HLX: variants seen among roughly 807,000 people sequenced by gnomAD.
The protein encoded by HLX is H2.0 like homeobox.
In HLX, 6 loss-of-function variants were observed where a neutral mutation model predicts 27.7. That is an observed-to-expected ratio of 0.22 (90% CI 0.12 to 0.43). The LOEUF (loss-of-function observed/expected upper bound fraction) is 0.43, where lower values mean the gene tolerates loss of function less well. Ranked by LOEUF, HLX falls within the 20% of genes least tolerant of loss-of-function variation. The probability of loss-of-function intolerance (pLI) is 1.00; values close to 1 mark genes in which losing one functional copy is unlikely to be tolerated. For missense variants in HLX, 666 were observed against 655.2 expected, an observed-to-expected ratio of 1.02 and a Z score of -0.18; for synonymous variants, 328 against 293.8, an observed-to-expected ratio of 1.12 and a Z score of -1.19.
rs773985687 is a variant in HLX, at chr1:220,880,129, C to A, written c.272C>A (p.Ser91Tyr). Residue 91 changes from serine (S) to tyrosine (Y), a missense_variant, in exon 1 of 4, where the codon TCC becomes TAC. Ser to Tyr is a moderately radical substitution (Grantham distance 144, BLOSUM62 -2). Coordinates refer to ENST00000366903, the MANE Select transcript of HLX (RefSeq NM_021958.4). ...GCCTCTTTCCAAGCGGCGGCCAGAT[C>A]CCCGCTTCGACCCACCCCAGTGGTG... ...PHASFQAAAR[S>Y]PLRPTPVVAP... 1 of 1,605,732 alleles carries A rather than the reference C, an allele frequency of 6.2e-7. No individual in the cohort carries two copies. The highest frequency in any genetic ancestry group is 1.1e-5 in the South Asian group (1 of 90,854).
Position 220,881,388 on chromosome 1 carries a change from C to T in HLX, c.772+15C>T, listed in dbSNP as rs373634939. On this transcript the variant is annotated intron_variant, in intron 2 of 3. Transcript: ENST00000366903. ...CACGTTTCCAGGTACGGAAAAACTC[C>T]AGAGTACTGCCTAACGGGCGAGCCG... 8 of 1,605,854 alleles carry T rather than the reference C, an allele frequency of 5.0e-6. No homozygotes were observed. In the South Asian group the frequency reaches 6.6e-5, roughly 13 times the overall value.
At position 220,881,295 on chromosome 1, in the gene HLX, G is replaced by A. The variant is rs771762362; in HGVS notation, c.694G>A (p.Glu232Lys). The change falls in exon 2 of 4, where the codon GAG becomes AAG. Residue 232 changes from glutamate to lysine, a missense_variant. By Grantham distance (56) the Glu-to-Lys change is moderately conservative. Transcript: ENST00000366903. ...CTTCGCATCTCTAGATCCCATTAAC[G>A]AGGCTTCTGCAATCCTGAGTCCCTT... ...QFFASLDPIN[E>K]ASAILSPLNS... 9.3e-6 allele frequency: 15 copies of A among 1,614,048 alleles called. No individual in the cohort carries two copies. The East Asian group carries it at 2.0e-4, about 22-fold the overall frequency.
At chr1:220,882,425 C>T in intron 3 of HLX, 77 bp downstream of exon 3, 2 of 1,390,286 alleles carry the variant, frequency 1.4e-6, no homozygotes, top group South Asian at 2.4e-5. Context: ...AGGTCCCCTC[C>T]ATCCCGGCCG....
At chr1:220,880,492 C>A in intron 1 of HLX, 43 bp downstream of exon 1, 1 of 1,609,536 alleles carries the variant, frequency 6.2e-7, no homozygotes, top group Non-Finnish European at 8.5e-7. Flanking sequence ...ACCACTGACC[C>A]ACTCCCCGGA....
In HLX at chr1:220,879,813, C is replaced by G; in HGVS notation, c.-45C>G. The G allele has an allele frequency of 2.0e-6, 3 of 1,529,492 alleles. No homozygotes were observed. Among genetic ancestry groups the G allele is most frequent in the Non-Finnish European group, 2.6e-6 (3 of 1,145,020 alleles). 94.7% of individuals were successfully genotyped at this position (1,529,492 alleles called of 1,614,324 possible). On this transcript the variant is annotated 5_prime_UTR_variant, in exon 1 of 4. Transcript: ENST00000366903. Reference sequence around the variant, plus strand: ...CGCCCCTCCCCGCGCGCCCACCCACCCAGTCCGGCTGGACTGCGGCAGCCG... The same window carrying G: ...CGCCCCTCCCCGCGCGCCCACCCACGCAGTCCGGCTGGACTGCGGCAGCCG...
chr1:220,883,825 G>C (rs946848164), intron 3 of HLX: 3 of 281,928 alleles, frequency 1.1e-5, no homozygotes, highest in Non-Finnish European at 2.0e-5. Context: ...ACTTTAATCA[G>C]ATTCTCATGG....
rs1439276682 is a variant in HLX at position 220,883,994 on chromosome 1, A to G, written c.958-201A>G. 4.9e-6 allele frequency: 3 copies of G among 614,226 alleles called. No individual in the cohort carries two copies. In the Admixed American group the frequency reaches 8.6e-5, roughly 18 times the overall value. The allele number at this position is 614,226 out of a possible 1,614,324, so 38.0% of individuals were successfully genotyped here. On this transcript the variant is annotated intron_variant, in intron 3 of 3. Transcript: ENST00000366903. ...ACGGTCTTAGTGGGTTCCCTAGGCC[A>G]GGATTCCTGGCTTCTTGTGTTCCCC... is the stretch of plus-strand genomic sequence containing the variant.
intron 1 of HLX, 181 bp downstream of exon 1, chr1:220,880,630 AAAAC>A (rs1674406321): frequency 1.6e-6 from 1 of 643,336 alleles, no homozygotes; most frequent in East Asian, 2.7e-5. Context: ...TGTTCTATGT[AAAAC>A]AAACAAAAAA....
chr1:220,880,310 C>G lies in HLX; in HGVS notation c.453C>G (p.Ala151=), dbSNP rs1674397864. ...PPRAGALQPP[A]SGTRVVPNPH... is the part of the protein sequence containing the mutation. ...GGGCTGGCGCCCTGCAGCCCCCGGCCTCGGGGACGCGAGTGGTTCCGAACC... is the reference window on the plus strand; with the variant it reads ...GGGCTGGCGCCCTGCAGCCCCCGGCGTCGGGGACGCGAGTGGTTCCGAACC... Residue 151 remains alanine, a synonymous_variant, in exon 1 of 4, where the codon GCC becomes GCG. Transcript: ENST00000366903. 1 of 1,613,448 alleles carries G rather than the reference C, an allele frequency of 6.2e-7. No individual in the cohort carries two copies. Among genetic ancestry groups the G allele is most frequent in the African/African-American group, 1.3e-5 (1 of 74,854 alleles).
In HLX at chr1:220,884,602, T is replaced by TGGCGGC. The variant is rs762859339; in HGVS notation, c.1373_1378dup (p.Gly458_Gly459dup). On this transcript the variant is annotated inframe_insertion, in exon 4 of 4. Transcript: ENST00000366903. This position sits in a 1 kb window ranked among gnomAD's most constrained non-coding sequence, Gnocchi z 4.9. ...CCAGTGCGGGTTGCGCCAGCAGCCT[T>TGGCGGC]GGCGGCGGCGGCGCCTCGGAGCTTC... is the stretch of plus-strand genomic sequence containing the variant. 2 of 1,606,666 alleles carry TGGCGGC rather than the reference T, an allele frequency of 1.2e-6. No homozygotes were observed. Among genetic ancestry groups the TGGCGGC allele is most frequent in the Admixed American group, 3.4e-5 (2 of 59,250 alleles).
rs1468832927 is a variant in HLX at position 220,884,099 on chromosome 1, C to G, written c.958-96C>G. The G allele has an allele frequency of 2.3e-6, 3 of 1,281,964 alleles. No homozygotes were observed. In the African/African-American group the frequency reaches 4.4e-5, roughly 19 times the overall value. 79.4% of individuals were successfully genotyped at this position (1,281,964 alleles called of 1,614,324 possible). A position where few individuals can be genotyped will look rare whatever the true frequency, so the allele number is the denominator to read the frequency against. ...GCCAAGTAAGCGTTGCTTTTTCACTCAGGGAGGTGGCTTGAGGGTGCACGC... is the reference window on the plus strand; with the variant it reads ...GCCAAGTAAGCGTTGCTTTTTCACTGAGGGAGGTGGCTTGAGGGTGCACGC... On this transcript the variant is annotated intron_variant, in intron 3 of 3. Coordinates refer to ENST00000366903, the MANE Select transcript of HLX (RefSeq NM_021958.4). The surrounding 1 kb of genome is among the most constrained non-coding windows in gnomAD (Gnocchi z 4.9).
intron 1 of HLX, 174 bp downstream of exon 1, chr1:220,880,623 T>C (rs1034105546): frequency 2.9e-6 from 2 of 681,782 alleles, no homozygotes. Flanking sequence ...ACTCACCTGT[T>C]CTATGTAAAA....
chr1:220,881,664 G>C, intron 2 of HLX: 2 of 509,184 alleles, frequency 3.9e-6, no homozygotes, highest in South Asian at 4.1e-5. Context: ...GAAAAATGCA[G>C]CATCAATGTT....
rs777040709 is a variant in HLX at position 220,884,364 on chromosome 1, G to A, written c.1127G>A (p.Ser376Asn). The A allele has an allele frequency of 3.7e-6, 6 of 1,614,114 alleles. No homozygotes were observed. In the South Asian group the frequency reaches 6.6e-5, roughly 18 times the overall value. ...SPSRSEGEAE[S>N]ESSDSESLDM... ...AGCCGTTCTGAAGGCGAGGCTGAGA[G>A]CGAGAGCAGCGACTCCGAGTCCCTG... The change falls in exon 4 of 4, where the codon AGC (serine) becomes AAC (asparagine). Residue 376 changes from serine (S) to asparagine (N), a missense_variant. Coordinates refer to ENST00000366903, the MANE Select transcript of HLX (RefSeq NM_021958.4). The surrounding 1 kb of genome is among the most constrained non-coding windows in gnomAD (Gnocchi z 4.9).
chr1:220,882,376 G>C, intron 3 of HLX, 28 bp downstream of exon 3: 1 of 1,609,390 alleles, frequency 6.2e-7, no homozygotes, highest in Non-Finnish European at 8.5e-7. Context: ...CCAGCGCACA[G>C]CGCCCTCGGG....
In HLX at chr1:220,880,183, C is replaced by T; in HGVS notation, c.326C>T (p.Pro109Leu). Reference sequence around the variant, plus strand: ...CCCTCCGAAGTCCCGGCTGGCTTCCCGCAGCGGCTGTCTCCGCTCTCAGCC... The same window carrying T: ...CCCTCCGAAGTCCCGGCTGGCTTCCTGCAGCGGCTGTCTCCGCTCTCAGCC... ...VAPSEVPAGF[P>L]QRLSPLSAAY... Residue 109 changes from proline (P) to leucine (L), a missense_variant, in exon 1 of 4, where the codon CCG becomes CTG. Transcript: ENST00000366903. 1 of 1,612,282 alleles carries T rather than the reference C, an allele frequency of 6.2e-7. No homozygotes were observed. The highest frequency in any genetic ancestry group is 1.1e-5 in the South Asian group (1 of 91,062).
In HLX at chr1:220,880,393, A is replaced by G. The variant is rs746634566; in HGVS notation, c.536A>G (p.Asp179Gly). The change falls in exon 1 of 4, where the codon GAC (aspartate) becomes GGC (glycine). Residue 179 changes from aspartate (D) to glycine (G), a missense_variant. Transcript: ENST00000366903. ...PSSKDLKFGIDRILSAEFDPK... is the reference protein window; with the variant it reads ...PSSKDLKFGIGRILSAEFDPK... Reference sequence around the variant, plus strand: ...AGCAAAGACCTCAAATTTGGAATTGACCGCATTTTATCTGCAGAATTTGAC... The same window carrying G: ...AGCAAAGACCTCAAATTTGGAATTGGCCGCATTTTATCTGCAGAATTTGAC... 2.5e-6 allele frequency: 4 copies of G among 1,614,056 alleles called. No individual in the cohort carries two copies. In the Admixed American group the frequency reaches 5.0e-5, roughly 20 times the overall value.
chr1:220,884,479 C>A lies in HLX; in HGVS notation c.1242C>A (p.Ala414=), dbSNP rs754952890. The change falls in exon 4 of 4, where the codon GCC becomes GCA. Residue 414 remains alanine (A), a synonymous_variant. Coordinates refer to ENST00000366903, the MANE Select transcript of HLX (RefSeq NM_021958.4). This position sits in a 1 kb window ranked among gnomAD's most constrained non-coding sequence, Gnocchi z 4.9. ...TTATTAAGGCCCCGGTCACTGGCGC[C>A]CTCATTACCGCCAGCAGTGCTGGGA... ...TTVIKAPVTG[A]LITASSAGSG... 6.2e-7 allele frequency: 1 copy of A among 1,614,114 alleles called. No individual in the cohort carries two copies. The highest frequency in any genetic ancestry group is 2.2e-5 in the East Asian group (1 of 44,874).
Position 220,884,385 on chromosome 1 carries a change from C to T in HLX, c.1148C>T (p.Ser383Phe), listed in dbSNP as rs1674522307. Residue 383 changes from serine (S) to phenylalanine (F), a missense_variant, in exon 4 of 4, where the codon TCC (serine) becomes TTC (phenylalanine). Coordinates refer to ENST00000366903, the MANE Select transcript of HLX (RefSeq NM_021958.4). This position sits in a 1 kb window ranked among gnomAD's most constrained non-coding sequence, Gnocchi z 4.9. ...EAESESSDSESLDMAPSDTER... is the reference protein window; with the variant it reads ...EAESESSDSEFLDMAPSDTER... ...GAGAGCGAGAGCAGCGACTCCGAGTCCCTGGACATGGCCCCCAGCGACACG... is the reference window on the plus strand; with the variant it reads ...GAGAGCGAGAGCAGCGACTCCGAGTTCCTGGACATGGCCCCCAGCGACACG... 4 of 1,614,120 alleles carry T rather than the reference C, an allele frequency of 2.5e-6. No individual in the cohort carries two copies. Among genetic ancestry groups the T allele is most frequent in the Non-Finnish European group, 3.4e-6 (4 of 1,180,004 alleles).
Sources: allele counts gnomAD v4.1 joint callset, GRCh38; gene constraint gnomAD v4.1.1; non-coding constraint Gnocchi (gnomAD v3.1); transcripts MANE v1.5; gene names NCBI Gene and HGNC (gene_info 2026-07-23, HGNC 2026-07-21).